The following RELN variants were observed in gnomAD, a reference collection of about 807,000 sequenced individuals.
RELN encodes the protein reelin.
RELN carries 108 observed loss-of-function variants against 427.6 expected under a neutral mutation model. That is an observed-to-expected ratio of 0.25 (90% CI 0.22 to 0.30). RELN has a LOEUF of 0.30. Ranked by LOEUF, RELN falls within the 10% of genes least tolerant of loss-of-function variation. RELN has a pLI of 1.00. For missense variants in RELN, 3,715 were observed against 4,302.8 expected (o/e 0.86, Z 3.82); for synonymous variants, 1,524 against 1,513.4 (o/e 1.01, Z -0.16).
chr7:103,673,038 GGCAAATATACA>G (rs1462053489), intron 11 of RELN, among the ~76,000 whole-genome samples: 1 of 151,844 alleles, frequency 6.6e-6, no homozygotes, highest in Non-Finnish European at 1.5e-5. Flanking sequence ...CTCTCATAAG[GGCAAATATACA>G]GCTTATTTTT....
chr7:103,665,597 A>C (rs957425276), intron 11 of RELN, among the ~76,000 whole-genome samples: 2 of 152,024 alleles, frequency 1.3e-5, no homozygotes, highest in African/African-American at 4.8e-5. Context: ...TTATCTATTG[A>C]ATTGTTGCTT....
chr7:103,630,854 T>G (rs200614764), intron 19 of RELN, among the ~76,000 whole-genome samples: 6 of 109,450 alleles, frequency 5.5e-5, no homozygotes, highest in South Asian at 3.1e-4. Context: ...TTTTTTTGTT[T>G]TTTTTGTTTT....
chr7:103,980,453 T>A (rs1177718005), intron 1 of RELN, among the ~76,000 whole-genome samples: 1 of 152,136 alleles, frequency 6.6e-6, no homozygotes, highest in East Asian at 1.9e-4. Context: ...AAAATTAGCT[T>A]TTACTTTTCT....
chr7:103,963,712 A>G (rs1796607865), intron 1 of RELN, among the ~76,000 whole-genome samples: 1 of 152,248 alleles, frequency 6.6e-6, no homozygotes, highest in Admixed American at 6.5e-5. Flanking sequence ...GAAATATTTC[A>G]TAACAAACAG....
At chr7:103,631,896 T>C (rs947280271) in intron 19 of RELN, among the ~76,000 whole-genome samples, 4 of 152,246 alleles carry the variant, frequency 2.6e-5, no homozygotes, top group African/African-American at 7.2e-5. Context: ...ATTAGAAAGT[T>C]ATAATTTTTC....
chr7:103,943,812 C>A (rs1232133390), intron 1 of RELN, among the ~76,000 whole-genome samples: 2 of 130,022 alleles, frequency 1.5e-5, no homozygotes, highest in African/African-American at 6.1e-5. Flanking sequence ...TATGCCACTG[C>A]ACTCCAGCTT....
At chr7:103,643,794 T>C (rs1271444124) in intron 16 of RELN, among the ~76,000 whole-genome samples, 2 of 152,054 alleles carry the variant, frequency 1.3e-5, no homozygotes, top group Non-Finnish European at 2.9e-5. Flanking sequence ...TCTATTAGAA[T>C]ACATAGATGA....
In RELN at chr7:103,715,038, C is replaced by T. The variant is rs1220366860; in HGVS notation, c.805+8102G>A. On this transcript the variant is annotated intron_variant, in intron 8 of 64. Transcript: ENST00000428762. ...AAAGTTTTTGGTCAGCCCAAATTAT[C>T]AATTAAACAATTATTTGGATAGGGA... Among the ~76,000 whole-genome samples the T allele has an allele frequency of 2.6e-5, 4 of 152,212 alleles. No homozygotes were observed. In the East Asian group the frequency reaches 7.7e-4, roughly 29 times the overall value.
At chr7:103,982,544 GAAGCAGA>G (rs1480366642) in intron 1 of RELN, among the ~76,000 whole-genome samples, 1 of 152,172 alleles carries the variant, frequency 6.6e-6, no homozygotes, top group African/African-American at 2.4e-5. Flanking sequence ...ACAAAGTGGT[GAAGCAGA>G]AAGGAGAAAG....
chr7:103,815,777 G>T (rs2116354119), intron 3 of RELN, among the ~76,000 whole-genome samples: 1 of 152,286 alleles, frequency 6.6e-6, no homozygotes, highest in South Asian at 2.1e-4. Context: ...TGAGAATGCA[G>T]CATTTCTTAT....
chr7:103,653,743 A>G (rs1297427670), intron 13 of RELN, among the ~76,000 whole-genome samples: 2 of 152,022 alleles, frequency 1.3e-5, no homozygotes, highest in Non-Finnish European at 2.9e-5. Context: ...AGATCTCAAA[A>G]TGCTGGACAA....
rs527518433 is a variant in RELN at position 103,531,543 on chromosome 7, G to A, written c.7349+3773C>T. Among the ~76,000 whole-genome samples the A allele has an allele frequency of 2.3e-4, 35 of 152,220 alleles. No individual in the cohort carries two copies. In the Middle Eastern group the frequency reaches 0.01, roughly 44 times the overall value. Reference sequence around the variant, plus strand: ...TCAGTTTTGCAACTCAAAGACCAGGGAGTCATCTTCAGCCCTGCTCTTCTC... The same window carrying A: ...TCAGTTTTGCAACTCAAAGACCAGGAAGTCATCTTCAGCCCTGCTCTTCTC... On this transcript the variant is annotated intron_variant, in intron 46 of 64. Transcript: ENST00000428762.
intron 64 of RELN, among the ~76,000 whole-genome samples, chr7:103,476,372 T>TG (rs745566671): frequency 1.3e-5 from 2 of 152,000 alleles, no homozygotes; most frequent in Non-Finnish European, 2.9e-5. Flanking sequence ...CCCAGCTACT[T>TG]GGGAGGCTGA....
intron 1 of RELN, among the ~76,000 whole-genome samples, chr7:103,941,112 C>A (rs1387688937): frequency 1.3e-5 from 2 of 150,888 alleles, no homozygotes; most frequent in Non-Finnish European, 2.9e-5. Flanking sequence ...CAGGTTGACA[C>A]GAGACTGACA....
intron 3 of RELN, among the ~76,000 whole-genome samples, chr7:103,784,630 G>A (rs1791973049): frequency 1.3e-5 from 2 of 152,252 alleles, no homozygotes; most frequent in South Asian, 2.1e-4. Flanking sequence ...ATAAAAAGAT[G>A]ATGTTCTCTC....
intron 20 of RELN, among the ~76,000 whole-genome samples, chr7:103,619,191 T>C (rs1584349711): frequency 6.6e-6 from 1 of 152,150 alleles, no homozygotes; most frequent in Admixed American, 6.5e-5. Context: ...TTAGTGGCAG[T>C]TTATTCTCAA....
intron 2 of RELN, among the ~76,000 whole-genome samples, chr7:103,910,020 G>A (rs1298395890): frequency 1.7e-3 from 230 of 133,798 alleles, no homozygotes; most frequent in African/African-American, 4.4e-3. Context: ...CCATTTTCAC[G>A]ATATTGATTC....
At chr7:103,481,802 G>A (rs773340760) in intron 63 of RELN, 1 of 152,194 alleles carries the variant, frequency 6.6e-6, no homozygotes, top group Non-Finnish European at 1.5e-5. Context: ...GAGGAAATCA[G>A]TATCTAAGTA....
At chr7:103,670,418 T>C (rs957534464) in intron 11 of RELN, among the ~76,000 whole-genome samples, 2 of 152,150 alleles carry the variant, frequency 1.3e-5, no homozygotes, top group Admixed American at 1.3e-4. Context: ...TTAGATTAAC[T>C]GGCCTTTGTG....
Sources: gnomAD v4.1 joint callset for allele counts (sites outside exome capture counted in the v4.1 genomes callset) on GRCh38, gnomAD v4.1.1 for gene constraint, MANE v1.5 for transcripts, NCBI Gene and HGNC (gene_info 2026-07-23, HGNC 2026-07-21) for gene names.